ATP7B: variants seen among roughly 807,000 people sequenced by gnomAD.
The protein encoded by ATP7B is copper-transporting ATPase 2.
ATP7B carries 113 observed loss-of-function variants against 118.9 expected under a neutral mutation model. The ratio of observed to expected loss-of-function variants is 0.95; its 90% CI spans 0.82 to 1.11. ATP7B has a LOEUF of 1.11. ATP7B is among the 50% of genes most tolerant of loss of function. The pLI, the probability that ATP7B is intolerant of heterozygous loss-of-function variation, is 0.00. For synonymous variants in ATP7B, 777 were observed against 727.4 expected (o/e 1.07, Z -1.10); for missense variants, 1,867 against 1,871.4 (o/e 1.00, Z 0.04).
intron 20 of ATP7B, 137 bp from the exon 21 acceptor site, chr13:51,935,166 A>T: frequency 7.9e-7 from 1 of 1,258,684 alleles, no homozygotes; most frequent in Non-Finnish European, 1.1e-6. Context: ...AAGGAAAAGG[A>T]CATTAAACTC....
At chr13:51,949,154 C>T (rs1200592721) in intron 12 of ATP7B, among the ~76,000 whole-genome samples, 3 of 151,820 alleles carry the variant, frequency 2.0e-5, no homozygotes, top group Non-Finnish European at 2.9e-5. Context: ...CACTCCAGCC[C>T]GGGAAACAGA....
Position 51,937,278 on chromosome 13 carries a change from G to A in ATP7B, c.4019C>T (p.Ala1340Val). 6.2e-7 allele frequency: 1 copy of A among 1,613,686 alleles called. No homozygotes were observed. The highest frequency in any genetic ancestry group is 2.2e-5 in the East Asian group (1 of 44,878). ...CACAGTGGGTAAGAGCTGCCTACCT[G>A]CTGCAATGGGTATCCCAACCAGGTT... ...IYNLVGIPIAAGVFMPIGIVL... is the reference protein window; with the variant it reads ...IYNLVGIPIAVGVFMPIGIVL... The change falls in exon 19 of 21, where the codon GCA becomes GTA. Residue 1340 changes from alanine to valine, a missense_variant and splice_region_variant. Physicochemically the swap from Ala to Val is moderately conservative, Grantham distance 64. Transcript: ENST00000242839.
At chr13:52,001,179 C>CTGG (rs1193397493) in intron 1 of ATP7B, among the ~76,000 whole-genome samples, 26 of 152,128 alleles carry the variant, frequency 1.7e-4, no homozygotes, top group African/African-American at 5.6e-4. Flanking sequence ...TGGTCCAAGC[C>CTGG]ACCAGCTCAT....
At chr13:51,969,337 C>T (rs990306753) in intron 3 of ATP7B, among the ~76,000 whole-genome samples, 2 of 151,992 alleles carry the variant, frequency 1.3e-5, no homozygotes, top group Non-Finnish European at 2.9e-5. Context: ...GCTCATGCTG[C>T]CTGCCCATGG....
chr13:51,969,167 T>C (rs1229438224), intron 3 of ATP7B, among the ~76,000 whole-genome samples: 3 of 151,776 alleles, frequency 2.0e-5, no homozygotes, highest in East Asian at 3.9e-4. Context: ...GTGATCCTAA[T>C]GTACAGGGAA....
Position 52,000,665 on chromosome 13 carries a change from C to T in ATP7B, c.51+10622G>A, listed in dbSNP as rs575786637. Among the ~76,000 whole-genome samples, 7 of 152,320 alleles carry T rather than the reference C, an allele frequency of 4.6e-5. No homozygotes were observed. The South Asian group carries it at 1.5e-3, about 32-fold the overall frequency. ...CTGCTGCTCCCACAGTCTTCCCCACCTTAGTAAATACAACTCCTTCCCTCC... is the reference window on the plus strand; with the variant it reads ...CTGCTGCTCCCACAGTCTTCCCCACTTTAGTAAATACAACTCCTTCCCTCC... On this transcript the variant is annotated intron_variant, in intron 1 of 20. Coordinates refer to ENST00000242839, the MANE Select transcript of ATP7B (RefSeq NM_000053.4).
At chr13:51,998,954 G>A (rs1054026497) in intron 1 of ATP7B, among the ~76,000 whole-genome samples, 9 of 152,166 alleles carry the variant, frequency 5.9e-5, no homozygotes, top group Non-Finnish European at 1.2e-4. Context: ...GGGGAGAGGA[G>A]TCCCGGATCC....
In ATP7B at chr13:51,974,109, C is replaced by T; in HGVS notation, c.1111G>A (p.Ala371Thr). The change falls in exon 2 of 21, where the codon GCA becomes ACA. Residue 371 changes from alanine to threonine, a missense_variant. Coordinates refer to ENST00000242839, the MANE Select transcript of ATP7B (RefSeq NM_000053.4). ...TLIAIAGMTC[A>T]SCVHSIEGMI... Reference sequence around the variant, plus strand: ...CCTTCAATGGAATGGACACAGGATGCACAGGTCATGCCGGCAATGGCAATC... The same window carrying T: ...CCTTCAATGGAATGGACACAGGATGTACAGGTCATGCCGGCAATGGCAATC... 1 of 1,613,998 alleles carries T rather than the reference C, an allele frequency of 6.2e-7. No homozygotes were observed. The highest frequency in any genetic ancestry group is 8.5e-7 in the Non-Finnish European group (1 of 1,180,020).
intron 1 of ATP7B, among the ~76,000 whole-genome samples, chr13:51,994,261 GAC>G (rs982969274): frequency 5.9e-5 from 9 of 152,180 alleles, no homozygotes; most frequent in African/African-American, 2.2e-4. Flanking sequence ...AGTTTAAAGA[GAC>G]ATAAAATGAA....
At chr13:52,007,129 AG>A (rs1953809085) in intron 1 of ATP7B, among the ~76,000 whole-genome samples, 1 of 152,252 alleles carries the variant, frequency 6.6e-6, no homozygotes, top group Admixed American at 6.5e-5. Flanking sequence ...CATTCATTCA[AG>A]AACAACTGTG....
At position 51,974,358 on chromosome 13, in the gene ATP7B, T is replaced by C; in HGVS notation, c.862A>G (p.Ile288Val). The C allele has an allele frequency of 6.2e-7, 1 of 1,614,058 alleles. No homozygotes were observed. The highest frequency in any genetic ancestry group is 8.5e-7 in the Non-Finnish European group (1 of 1,180,028). ...GTTTTGTTCTCCAAGGACACTTGAATACTTTGAACCCCTAGGAGCTGGCCA... is the reference window on the plus strand; with the variant it reads ...GTTTTGTTCTCCAAGGACACTTGAACACTTTGAACCCCTAGGAGCTGGCCA... Reference protein sequence around the residue: ...NIGQLLGVQSIQVSLENKTAQ... With the variant: ...NIGQLLGVQSVQVSLENKTAQ... Residue 288 changes from isoleucine (I) to valine (V), a missense_variant, in exon 2 of 21, where the codon ATT becomes GTT. By Grantham distance (29) the Ile-to-Val change is conservative. Transcript: ENST00000242839.
intron 16 of ATP7B, 60 bp from the exon 17 acceptor site, chr13:51,939,253 C>T (rs1048378165): frequency 1.3e-5 from 21 of 1,603,210 alleles, no homozygotes; most frequent in Non-Finnish European, 1.8e-5. Context: ...CACCAAGATA[C>T]CACACTTGCA....
intron 1 of ATP7B, among the ~76,000 whole-genome samples, chr13:51,976,848 T>C (rs868348383): frequency 6.6e-6 from 1 of 152,222 alleles, no homozygotes; most frequent in Non-Finnish European, 1.5e-5. Flanking sequence ...GGGGCACTTA[T>C]CATGAATGGA....
At chr13:51,969,344 A>G (rs1440099394) in intron 3 of ATP7B, among the ~76,000 whole-genome samples, 7 of 152,096 alleles carry the variant, frequency 4.6e-5, no homozygotes, top group Non-Finnish European at 5.9e-5. Context: ...CTGCCTGCCC[A>G]TGGACACATT....
Position 51,961,886 on chromosome 13 carries a change from G to C in ATP7B, c.1897C>G (p.Gln633Glu). ...AAGTGATGAGCGTTGGGGTTTCTCTGGGCCAGGGAAGCATGAAAGCCAATT... is the reference window on the plus strand; with the variant it reads ...AAGTGATGAGCGTTGGGGTTTCTCTCGGCCAGGGAAGCATGAAAGCCAATT... Reference protein sequence around the residue: ...EEIGFHASLAQRNPNAHHLDH... With the variant: ...EEIGFHASLAERNPNAHHLDH... The change falls in exon 6 of 21, where the codon CAG (glutamine) becomes GAG (glutamate). Residue 633 changes from glutamine (Q) to glutamate (E), a missense_variant. Physicochemically the swap from Gln to Glu is conservative, Grantham distance 29. Coordinates refer to ENST00000242839, the MANE Select transcript of ATP7B (RefSeq NM_000053.4). 6.2e-7 allele frequency: 1 copy of C among 1,614,062 alleles called. No individual in the cohort carries two copies. Among genetic ancestry groups the C allele is most frequent in the East Asian group, 2.2e-5 (1 of 44,884 alleles).
In ATP7B at chr13:52,011,325, C is replaced by T; in HGVS notation, c.13G>A (p.Glu5Lys). The T allele has an allele frequency of 1.2e-6, 2 of 1,614,246 alleles. No individual in the cohort carries two copies. Among genetic ancestry groups the T allele is most frequent in the Non-Finnish European group, 1.7e-6 (2 of 1,180,024 alleles). Residue 5 changes from glutamate to lysine, a missense_variant, in exon 1 of 21, where the codon GAG becomes AAG. Coordinates refer to ENST00000242839, the MANE Select transcript of ATP7B (RefSeq NM_000053.4). MPEQ[E>K]RQITAREGAS... ...CCTTCTCTGGCTGTGATCTGTCTCT[C>T]CTGCTCAGGCATCGTCCCGCACGGA...
chr13:51,963,464 G>A (rs1055749994), intron 5 of ATP7B, among the ~76,000 whole-genome samples: 7 of 151,986 alleles, frequency 4.6e-5, no homozygotes, highest in Admixed American at 3.3e-4. Flanking sequence ...GGCTAGGCAC[G>A]GTGGCTCATG....
chr13:51,973,929 A>G lies in ATP7B; in HGVS notation c.1285+6T>C. 6.2e-7 allele frequency: 1 copy of G among 1,614,240 alleles called. No homozygotes were observed. Among genetic ancestry groups the G allele is most frequent in the Middle Eastern group, 1.6e-4 (1 of 6,062 alleles). ...GCTCAGGACATGCCTCAAACACACT[A>G]CGTACCAGAAACGACTGAAGCCTCA... On this transcript the variant is annotated splice_donor_region_variant and intron_variant, in intron 2 of 20. Transcript: ENST00000242839.
chr13:51,947,106 A>C (rs1957713541), intron 12 of ATP7B, among the ~76,000 whole-genome samples: 1 of 152,216 alleles, frequency 6.6e-6, no homozygotes, highest in African/African-American at 2.4e-5. Context: ...GATGTATATA[A>C]TGGGATACGA....
Sources: allele counts gnomAD v4.1 joint callset (sites outside exome capture counted in the v4.1 genomes callset), GRCh38; gene constraint gnomAD v4.1.1; transcripts MANE v1.5; gene names NCBI Gene and HGNC (gene_info 2026-07-23, HGNC 2026-07-21).